ZMYND19: variants seen among roughly 807,000 people sequenced by gnomAD.
The protein encoded by ZMYND19 is zinc finger MYND-type containing 19.
Under a neutral mutation model 32.0 loss-of-function variants are expected in ZMYND19, and 17 were observed. The observed-to-expected ratio is 0.53, with a 90% CI of 0.36 to 0.80. The LOEUF (loss-of-function observed/expected upper bound fraction) is 0.80. Among genes scored for constraint, ZMYND19 ranks in the 30% least tolerant of loss-of-function variants. ZMYND19 has a pLI of 0.00. For missense variants in ZMYND19, 250 were observed against 293.6 expected (o/e 0.85, Z 1.09); for synonymous variants, 124 against 113.6 (o/e 1.09, Z -0.58).
At position 137,586,979 on chromosome 9, in the gene ZMYND19, G is replaced by C. The variant is rs778400153; in HGVS notation, c.347C>G (p.Ser116Cys). Residue 116 changes from serine to cysteine, a missense_variant, in exon 4 of 6, where the codon TCC becomes TGC. Physicochemically the swap from Ser to Cys is moderately radical, Grantham distance 112. Around this residue, in one of 2 missense-constraint regions of ZMYND19, gnomAD observed 212 missense variants for 218.8 expected, o/e 0.97. Coordinates refer to ENST00000298585, the MANE Select transcript of ZMYND19 (RefSeq NM_138462.3). ...WGWRPKAEETSSKQREQSLYW... is the reference protein window; with the variant it reads ...WGWRPKAEETCSKQREQSLYW... ...TGAGAAGACCCACCTCTGCTTGCTGGAGGTCTCTTCAGCCTTGGGCCGCCA... is the reference window on the plus strand; with the variant it reads ...TGAGAAGACCCACCTCTGCTTGCTGCAGGTCTCTTCAGCCTTGGGCCGCCA... 6.2e-7 allele frequency: 1 copy of C among 1,612,288 alleles called. No individual in the cohort carries two copies. The highest frequency in any genetic ancestry group is 8.5e-7 in the Non-Finnish European group (1 of 1,179,996).
intron 4 of ZMYND19, among the ~76,000 whole-genome samples, chr9:137,586,517 G>A (rs1045117922): frequency 1.3e-5 from 2 of 149,162 alleles, no homozygotes; most frequent in African/African-American, 2.5e-5. Context: ...GAGAAGGAAG[G>A]AATCCTGAGG....
intron 4 of ZMYND19, 57 bp downstream of exon 4, chr9:137,586,910 G>A (rs968243820): frequency 9.1e-5 from 146 of 1,603,970 alleles, no homozygotes; most frequent in Middle Eastern, 1.7e-4. Flanking sequence ...GAGCTTTGGC[G>A]GTGGCCCTCC....
At position 137,587,065 on chromosome 9, in the gene ZMYND19, C is replaced by T; in HGVS notation, c.261G>A (p.Val87=). The T allele has an allele frequency of 6.2e-7, 1 of 1,610,226 alleles. No homozygotes were observed. Among genetic ancestry groups the T allele is most frequent in the African/African-American group, 1.3e-5 (1 of 75,066 alleles). The change falls in exon 4 of 6, where the codon GTG becomes GTA. Residue 87 remains valine, a synonymous_variant. Transcript: ENST00000298585. The stretch of plus-strand genomic sequence containing the variant: ...TGTCCACGGTCACAGCGTTGAGGTG[C>T]ACCACCTGGAAGCCCGGGGCCACGC... The part of the protein sequence containing the change: ...RGGVAPGFQV[V]HLNAVTVDNR...
intron 2 of ZMYND19, 39 bp from the exon 3 acceptor site, chr9:137,587,862 CA>C (rs1261765034): frequency 1.3e-6 from 2 of 1,577,156 alleles, no homozygotes; most frequent in Non-Finnish European, 1.7e-6. Flanking sequence ...AAAAAACCTC[CA>C]ATTCTCAGCA....
chr9:137,588,539 A>G, intron 2 of ZMYND19, 120 bp downstream of exon 2: 3 of 1,120,456 alleles, frequency 2.7e-6, no homozygotes, highest in Non-Finnish European at 4.0e-6. Context: ...ACAGGCCAGC[A>G]CCAGTTGTCC....
At chr9:137,587,443 G>C in intron 3 of ZMYND19, 1 of 591,420 alleles carries the variant, frequency 1.7e-6, no homozygotes, top group South Asian at 2.1e-5. Context: ...CACCGGGGGG[G>C]CTCGGCAAAA....
intron 4 of ZMYND19, 80 bp downstream of exon 4, chr9:137,586,887 C>A: frequency 6.3e-7 from 1 of 1,584,174 alleles, no homozygotes. Context: ...ACAGGAGACC[C>A]TCTTGGAAAC....
rs1842155706 is a variant in ZMYND19, at chr9:137,582,333, T to C, written c.*210A>G. On this transcript the variant is annotated 3_prime_UTR_variant, in exon 6 of 6. Transcript: ENST00000298585. ...AACATATAAATAATGAGAACCGTCC[T>C]GGTGGGAGCCTCCTCCGTTGTCTCT... 3.3e-6 allele frequency: 2 copies of C among 608,128 alleles called. No homozygotes were observed. The highest frequency in any genetic ancestry group is 6.6e-5 in the Admixed American group (2 of 30,512). 37.7% of individuals were successfully genotyped at this position (608,128 alleles called of 1,614,324 possible).
At chr9:137,587,928 A>G (rs1842224755) in intron 2 of ZMYND19, 105 bp from the exon 3 acceptor site, 6 of 1,131,980 alleles carry the variant, frequency 5.3e-6, no homozygotes, top group Non-Finnish European at 6.6e-6. Flanking sequence ...CAGAGGGACA[A>G]ATGCCAGCCC....
chr9:137,586,805 G>C (rs1842210119), intron 4 of ZMYND19, among the ~76,000 whole-genome samples, 162 bp downstream of exon 4: 1 of 152,252 alleles, frequency 6.6e-6, no homozygotes, highest in African/African-American at 2.4e-5. Context: ...TGAAGAAAAG[G>C]AGGATTCCAC....
At chr9:137,588,757 G>A (rs1017505339) in intron 1 of ZMYND19, 39 bp from the exon 2 acceptor site, 6 of 1,612,148 alleles carry the variant, frequency 3.7e-6, no homozygotes, top group South Asian at 2.2e-5. Context: ...TTACATTTGG[G>A]ATCTGCGTGA....
In ZMYND19 at chr9:137,582,434, T is replaced by C; in HGVS notation, c.*109A>G. On this transcript the variant is annotated 3_prime_UTR_variant, in exon 6 of 6. Transcript: ENST00000298585. Reference sequence around the variant, plus strand: ...ATCGGGAGTCTCACGGCAGCTGTCCTGGGCCCGCAGCTGGCTTTTTTGGCA... The same window carrying C: ...ATCGGGAGTCTCACGGCAGCTGTCCCGGGCCCGCAGCTGGCTTTTTTGGCA... 1 of 1,479,112 alleles carries C rather than the reference T, an allele frequency of 6.8e-7. No homozygotes were observed. Among genetic ancestry groups the C allele is most frequent in the East Asian group, 2.3e-5 (1 of 43,492 alleles). The allele number at this position is 1,479,112 out of a possible 1,614,324, so 91.6% of individuals were successfully genotyped here.
chr9:137,587,747 C>T lies in ZMYND19; in HGVS notation c.188G>A (p.Gly63Asp), dbSNP rs768800651. 9 of 1,614,046 alleles carry T rather than the reference C, an allele frequency of 5.6e-6. No individual in the cohort carries two copies. The highest frequency in any genetic ancestry group is 6.8e-6 in the Non-Finnish European group (8 of 1,180,036). Residue 63 changes from glycine to aspartate, a missense_variant, in exon 3 of 6, where the codon GGC (glycine) becomes GAC (aspartate). Gly to Asp is a moderately conservative substitution (Grantham distance 94). Transcript: ENST00000298585. ...AYAFDKNRGR[G>D]SGRLLHELLW... The stretch of plus-strand genomic sequence containing the variant: ...CAGCTCATGAAGGAGTCTCCCAGAG[C>T]CCCTTCCTCGGTTCTTGTCAAAGGC...
intron 4 of ZMYND19, among the ~76,000 whole-genome samples, chr9:137,586,270 G>A (rs757321136): frequency 3.3e-5 from 5 of 150,184 alleles, no homozygotes; most frequent in Non-Finnish European, 4.4e-5. Context: ...GAGGTGAGGA[G>A]AGAAGGAAGG....
chr9:137,585,822 C>T (rs532163478), intron 4 of ZMYND19, among the ~76,000 whole-genome samples: 1 of 152,386 alleles, frequency 6.6e-6, no homozygotes, highest in East Asian at 1.9e-4. Flanking sequence ...CCAACCATCA[C>T]CAAGCCCGAA....
intron 4 of ZMYND19, among the ~76,000 whole-genome samples, chr9:137,586,497 C>A (rs1220567864): frequency 6.9e-6 from 1 of 144,004 alleles, no homozygotes; most frequent in Non-Finnish European, 1.5e-5. Context: ...AGGAAGGAAT[C>A]CCGAGGTGAG....
intron 3 of ZMYND19, chr9:137,587,439 G>A: frequency 3.4e-6 from 2 of 593,140 alleles, no homozygotes; most frequent in East Asian, 2.8e-5. Flanking sequence ...TGCACACCGG[G>A]GGGGCTCGGC....
chr9:137,585,333 T>C (rs907378106), intron 4 of ZMYND19, among the ~76,000 whole-genome samples: 2 of 150,948 alleles, frequency 1.3e-5, no homozygotes, highest in East Asian at 1.9e-4. Flanking sequence ...TGGGGCAGAA[T>C]TGCTTGAACT....
intron 1 of ZMYND19, chr9:137,589,554 G>A: frequency 1.0e-6 from 1 of 985,482 alleles, no homozygotes. Context: ...ATGCCCACAG[G>A]TGCCATGGAA....
Sources: allele counts gnomAD v4.1 joint callset (sites outside exome capture counted in the v4.1 genomes callset), GRCh38; gene constraint gnomAD v4.1.1; regional missense constraint gnomAD v4.1.1; transcripts MANE v1.5; gene names NCBI Gene and HGNC (gene_info 2026-07-23, HGNC 2026-07-21).